ROBO1: variants seen among roughly 807,000 people sequenced by gnomAD.
The protein encoded by ROBO1 is roundabout homolog 1.
ROBO1 carries 149 observed loss-of-function variants against 195.9 expected under a neutral mutation model. The ratio of observed to expected loss-of-function variants is 0.76; its 90% CI spans 0.67 to 0.87. The LOEUF is 0.87. ROBO1 is among the 40% of genes least tolerant of loss of function. ROBO1 has a pLI of 0.00. For synonymous variants in ROBO1, 816 were observed against 733.2 expected (o/e 1.11, Z -1.82); for missense variants, 1,933 against 2,068.3 (o/e 0.93, Z 1.27).
intron 3 of ROBO1, among the ~76,000 whole-genome samples, chr3:79,066,702 T>C (rs1225150144): frequency 1.3e-5 from 2 of 151,930 alleles, no homozygotes; most frequent in African/African-American, 4.8e-5. Flanking sequence ...CTTTTTACCA[T>C]AATAATGAGC....
intron 2 of ROBO1, among the ~76,000 whole-genome samples, chr3:79,332,956 C>G (rs1172114056): frequency 6.6e-6 from 1 of 152,026 alleles, no homozygotes; most frequent in Admixed American, 6.6e-5. Flanking sequence ...AATCCCAGCA[C>G]GTTGGGAGTC....
chr3:78,690,897 T>C (rs1421262058), intron 8 of ROBO1, among the ~76,000 whole-genome samples: 1 of 152,096 alleles, frequency 6.6e-6, no homozygotes, highest in East Asian at 1.9e-4. Flanking sequence ...AAATGCCAGT[T>C]CTCCTCAAAC....
chr3:79,162,619 A>G (rs528231911), intron 2 of ROBO1, among the ~76,000 whole-genome samples: 13 of 152,310 alleles, frequency 8.5e-5, no homozygotes, highest in African/African-American at 3.1e-4. Flanking sequence ...AATAAAATAC[A>G]GCAATACTTT....
At chr3:79,500,060 A>T (rs978180768) in intron 2 of ROBO1, among the ~76,000 whole-genome samples, 2 of 149,968 alleles carry the variant, frequency 1.3e-5, no homozygotes, top group African/African-American at 4.9e-5. Context: ...CACCCACCTC[A>T]GCCTCTCAAA....
chr3:78,750,898 A>G (rs907307962), intron 4 of ROBO1, among the ~76,000 whole-genome samples: 8 of 152,210 alleles, frequency 5.3e-5, no homozygotes, highest in African/African-American at 1.9e-4. Context: ...AGGGGACCAG[A>G]AGAAAACCCA....
chr3:79,082,785 G>A (rs1055873056), intron 3 of ROBO1, among the ~76,000 whole-genome samples: 2 of 152,102 alleles, frequency 1.3e-5, no homozygotes, highest in African/African-American at 2.4e-5. Context: ...TGTATGGTAT[G>A]GAGAGAGGCA....
intron 1 of ROBO1, among the ~76,000 whole-genome samples, chr3:79,598,539 C>G (rs1944248271): frequency 6.6e-6 from 1 of 151,962 alleles, no homozygotes; most frequent in Non-Finnish European, 1.5e-5. Context: ...ATTCTGTGTA[C>G]TTTATTATTT....
intron 1 of ROBO1, among the ~76,000 whole-genome samples, chr3:79,595,681 G>T (rs1249835025): frequency 6.6e-6 from 1 of 151,400 alleles, no homozygotes; most frequent in African/African-American, 2.4e-5. Context: ...TAGGACTACA[G>T]GTGTGCACCA....
intron 1 of ROBO1, among the ~76,000 whole-genome samples, chr3:79,702,438 A>G (rs1947646235): frequency 1.3e-5 from 2 of 151,932 alleles, no homozygotes; most frequent in South Asian, 2.1e-4. Context: ...TTCTTTTTCA[A>G]ACTTAAATCT....
chr3:79,192,629 C>T (rs758287613), intron 2 of ROBO1, among the ~76,000 whole-genome samples: 22 of 151,398 alleles, frequency 1.5e-4, no homozygotes, highest in Non-Finnish European at 2.2e-4. Context: ...GTCTAAAAGC[C>T]GTATGGATAA....
chr3:79,544,314 C>G (rs886497240), intron 2 of ROBO1, among the ~76,000 whole-genome samples: 3 of 151,508 alleles, frequency 2.0e-5, no homozygotes, highest in South Asian at 2.1e-4. Context: ...TTTATAATAA[C>G]ATTTTTTCTT....
At chr3:79,309,682 G>A (rs1267040311) in intron 2 of ROBO1, among the ~76,000 whole-genome samples, 1 of 152,044 alleles carries the variant, frequency 6.6e-6, no homozygotes, top group African/African-American at 2.4e-5. Flanking sequence ...GAAGTTTGTG[G>A]AAGTCTGTAT....
chr3:79,105,696 T>C (rs2079765268), intron 3 of ROBO1, among the ~76,000 whole-genome samples: 1 of 151,696 alleles, frequency 6.6e-6, no homozygotes. Flanking sequence ...ACAAAGATAT[T>C]GTGGGAGAAA....
At chr3:79,172,461 G>A (rs950127793) in intron 2 of ROBO1, among the ~76,000 whole-genome samples, 10 of 152,054 alleles carry the variant, frequency 6.6e-5, no homozygotes, top group Non-Finnish European at 4.4e-5. Flanking sequence ...TGCTCTTCCT[G>A]GATTGCCCGT....
intron 5 of ROBO1, among the ~76,000 whole-genome samples, chr3:78,739,197 A>G (rs910242799): frequency 4.6e-5 from 7 of 152,216 alleles, no homozygotes; most frequent in Admixed American, 3.9e-4. Context: ...AAAGGTTATC[A>G]TGAAGAAAAT....
chr3:79,201,054 G>A (rs1457473839), intron 2 of ROBO1, among the ~76,000 whole-genome samples: 4 of 151,810 alleles, frequency 2.6e-5, no homozygotes, highest in Admixed American at 2.0e-4. Context: ...TTCCTACATT[G>A]TTAATATGGC....
intron 3 of ROBO1, among the ~76,000 whole-genome samples, chr3:79,053,649 GCTTCTGCTC>G (rs1243552989): frequency 2.0e-5 from 3 of 151,628 alleles, no homozygotes; most frequent in Non-Finnish European, 4.4e-5. Context: ...TCACCAGTAC[GCTTCTGCTC>G]CTTCTGCTCC....
intron 8 of ROBO1, among the ~76,000 whole-genome samples, chr3:78,694,086 A>C (rs1333609606): frequency 3.9e-5 from 6 of 152,212 alleles, no homozygotes; most frequent in Non-Finnish European, 8.8e-5. Context: ...ACAAGAACTA[A>C]GAAAACTTTA....
intron 11 of ROBO1, 86 bp from the exon 12 acceptor site, chr3:78,668,651 A>G: frequency 9.0e-7 from 1 of 1,114,408 alleles, no homozygotes; most frequent in Non-Finnish European, 1.3e-6. Context: ...TATATGATCC[A>G]TGAATATGGA....
Sources: allele counts gnomAD v4.1 joint callset (sites outside exome capture counted in the v4.1 genomes callset), GRCh38; gene constraint gnomAD v4.1.1; transcripts MANE v1.5; gene names NCBI Gene and HGNC (gene_info 2026-07-23, HGNC 2026-07-21).